Variants in KCNIP1 observed in about 807,000 individuals in gnomAD.
KCNIP1 encodes A-type potassium channel modulatory protein KCNIP1.
Under a neutral mutation model 33.0 loss-of-function variants are expected in KCNIP1, and 18 were observed. The ratio of observed to expected loss-of-function variants is 0.55; its 90% CI spans 0.38 to 0.81. The LOEUF (loss-of-function observed/expected upper bound fraction) is 0.81, where lower values mean the gene tolerates loss of function less well. Ranked by LOEUF, KCNIP1 falls within the 30% of genes least tolerant of loss-of-function variation. The pLI is 0.00. For missense variants in KCNIP1, 238 were observed against 271.6 expected (o/e 0.88, Z 0.87); for synonymous variants, 93 against 98.3 (o/e 0.95, Z 0.32).
At chr5:170,711,536 T>C (rs544603499) in intron 1 of KCNIP1, among the ~76,000 whole-genome samples, 215 of 152,334 alleles carry the variant, frequency 1.4e-3, no homozygotes, top group African/African-American at 4.8e-3. Flanking sequence ...ACACAAAGCA[T>C]GAACTCTAAT....
At chr5:170,468,892 A>G (rs544628436) in intron 1 of KCNIP1, among the ~76,000 whole-genome samples, 1 of 140,312 alleles carries the variant, frequency 7.1e-6, no homozygotes, top group South Asian at 2.3e-4. Flanking sequence ...AAATTTTTTT[A>G]ATGGCTATAA....
chr5:170,597,784 A>AATATGTATATATAT (rs1758496436), intron 1 of KCNIP1, among the ~76,000 whole-genome samples: 4 of 134,434 alleles, frequency 3.0e-5, no homozygotes, highest in African/African-American at 1.2e-4. Context: ...GAGAGAGATA[A>AATATGTATATATAT]ATATATATAT....
At chr5:170,501,034 C>T (rs906729235), upstream of KCNIP1, among the ~76,000 whole-genome samples, 11 of 152,108 alleles carry the variant, frequency 7.2e-5, no homozygotes, top group East Asian at 1.2e-3. Context: ...TGTCAGAAAC[C>T]GGAGGTTAAG....
chr5:170,640,594 A>G (rs1760502410), intron 1 of KCNIP1, among the ~76,000 whole-genome samples: 1 of 152,222 alleles, frequency 6.6e-6, no homozygotes, highest in African/African-American at 2.4e-5. Context: ...TGAGCACAGA[A>G]CAGCGTCCAT....
intron 1 of KCNIP1, chr5:170,389,332 A>C: frequency 6.6e-6 from 1 of 151,632 alleles, no homozygotes. Flanking sequence ...CCCACCCCAA[A>C]AGAGGCCACA....
At chr5:170,387,054 T>C (rs915522666) in intron 1 of KCNIP1, among the ~76,000 whole-genome samples, 4 of 152,136 alleles carry the variant, frequency 2.6e-5, no homozygotes, top group African/African-American at 9.7e-5. Flanking sequence ...TTTCCCATGG[T>C]TCCGCAAGCT....
At chr5:170,542,908 A>T (rs1756266229) in intron 1 of KCNIP1, among the ~76,000 whole-genome samples, 1 of 152,198 alleles carries the variant, frequency 6.6e-6, no homozygotes, top group African/African-American at 2.4e-5. Flanking sequence ...TGGGGGGACT[A>T]CTGTAATTTA....
At chr5:170,711,805 G>A (rs1324148031) in intron 1 of KCNIP1, among the ~76,000 whole-genome samples, 1 of 152,192 alleles carries the variant, frequency 6.6e-6, no homozygotes, top group East Asian at 1.9e-4. Context: ...CAAAGTAAGT[G>A]TCTCACGTGG....
intron 1 of KCNIP1, among the ~76,000 whole-genome samples, chr5:170,575,459 G>T (rs1757568341): frequency 6.6e-6 from 1 of 152,180 alleles, no homozygotes; most frequent in Admixed American, 6.5e-5. Context: ...TTCAATCTCA[G>T]TTACATAGGG....
chr5:170,367,046 C>A (rs972416495), intron 1 of KCNIP1, among the ~76,000 whole-genome samples: 1 of 152,106 alleles, frequency 6.6e-6, no homozygotes, highest in Non-Finnish European at 1.5e-5. Context: ...CAGTCTGGCA[C>A]GGTGGCTCAC....
chr5:170,649,971 C>T (rs977139928), intron 1 of KCNIP1, among the ~76,000 whole-genome samples: 1 of 152,038 alleles, frequency 6.6e-6, no homozygotes, highest in Admixed American at 6.6e-5. Context: ...GAAAGAGAGC[C>T]AGAAAAGTCC....
intron 1 of KCNIP1, among the ~76,000 whole-genome samples, chr5:170,672,569 G>A (rs1761967024): frequency 1.3e-5 from 2 of 152,258 alleles, no homozygotes; most frequent in African/African-American, 4.8e-5. Context: ...AGTGTAATCA[G>A]CTGCTGCTGA....
chr5:170,411,364 G>C (rs1183294821), intron 1 of KCNIP1, among the ~76,000 whole-genome samples: 1 of 152,232 alleles, frequency 6.6e-6, no homozygotes, highest in South Asian at 2.1e-4. Flanking sequence ...TTCAAACCCA[G>C]GGGTTCGTAC....
chr5:170,614,095 T>C (rs569976140), intron 1 of KCNIP1, among the ~76,000 whole-genome samples: 1 of 152,252 alleles, frequency 6.6e-6, no homozygotes. Flanking sequence ...ATGGTTCATC[T>C]GGCTGTGTCA....
intron 1 of KCNIP1, among the ~76,000 whole-genome samples, chr5:170,543,969 G>A (rs867628339): frequency 7.2e-5 from 11 of 152,282 alleles, no homozygotes; most frequent in South Asian, 2.1e-4. Context: ...AGAAACCAGC[G>A]TTAATGGGAG....
At chr5:170,569,610 G>A (rs1185818023) in intron 1 of KCNIP1, among the ~76,000 whole-genome samples, 5 of 152,184 alleles carry the variant, frequency 3.3e-5, no homozygotes, top group East Asian at 1.9e-4. Flanking sequence ...TGGGCTTTGC[G>A]GCATGCCACC....
intron 1 of KCNIP1, among the ~76,000 whole-genome samples, chr5:170,632,713 A>G (rs1331708027): frequency 6.6e-6 from 1 of 152,236 alleles, no homozygotes; most frequent in Non-Finnish European, 1.5e-5. Flanking sequence ...CTGGGGGGAC[A>G]TTTAATAAGT....
intron 1 of KCNIP1, among the ~76,000 whole-genome samples, chr5:170,359,011 A>T (rs1387974219): frequency 6.6e-6 from 1 of 152,140 alleles, no homozygotes; most frequent in Non-Finnish European, 1.5e-5. Context: ...GTCTGATCAG[A>T]GCAGCCACCT....
At chr5:170,497,425 C>G (rs558498661) in intron 1 of KCNIP1, among the ~76,000 whole-genome samples, 5 of 152,170 alleles carry the variant, frequency 3.3e-5, no homozygotes, top group African/African-American at 1.2e-4. Flanking sequence ...TTTACCATAA[C>G]CTTTCCTCCT....
Sources: gnomAD v4.1 joint callset for allele counts (sites outside exome capture counted in the v4.1 genomes callset) on GRCh38, gnomAD v4.1.1 for gene constraint, MANE v1.5 for transcripts, NCBI Gene and HGNC (gene_info 2026-07-23, HGNC 2026-07-21) for gene names.